The following CRIM1 variants were observed in gnomAD, a reference collection of about 807,000 sequenced individuals.
CRIM1 encodes the protein cysteine-rich motor neuron 1 protein.
Under a neutral mutation model 116.4 loss-of-function variants are expected in CRIM1, and 32 were observed. That is an observed-to-expected ratio of 0.27 (90% confidence interval 0.21 to 0.37). CRIM1 has a LOEUF of 0.37. Ranked by LOEUF, CRIM1 falls within the 10% of genes least tolerant of loss-of-function variation. CRIM1 has a pLI of 1.00. For missense variants in CRIM1, 1,331 were observed against 1,354.8 expected (o/e 0.98, Z 0.28); for synonymous variants, 590 against 509.2 (o/e 1.16, Z -2.13).
chr2:36,456,729 G>T (rs555425788), intron 4 of CRIM1, among the ~76,000 whole-genome samples: 9 of 152,236 alleles, frequency 5.9e-5, no homozygotes, highest in African/African-American at 2.2e-4. Flanking sequence ...TTCAACAGGG[G>T]CACGGGCCCT....
intron 2 of CRIM1, among the ~76,000 whole-genome samples, chr2:36,413,333 C>T (rs979205795): frequency 2.0e-5 from 3 of 152,166 alleles, no homozygotes; most frequent in Admixed American, 1.3e-4. Flanking sequence ...GACATAGTCT[C>T]ATAGCAGAGG....
At chr2:36,384,261 G>A (rs1486448692) in intron 1 of CRIM1, among the ~76,000 whole-genome samples, 3 of 152,212 alleles carry the variant, frequency 2.0e-5, no homozygotes, top group African/African-American at 7.2e-5. Context: ...GCAGTAGCCG[G>A]GGAAGGGAAG....
At chr2:36,502,142 T>G (rs1398700442) in intron 8 of CRIM1, among the ~76,000 whole-genome samples, 2 of 152,240 alleles carry the variant, frequency 1.3e-5, no homozygotes, top group Non-Finnish European at 2.9e-5. Flanking sequence ...TGGGTTTTGC[T>G]ATTGTGAAAT....
chr2:36,457,614 A>G (rs1172061472), intron 4 of CRIM1, among the ~76,000 whole-genome samples: 1 of 152,174 alleles, frequency 6.6e-6, no homozygotes, highest in Non-Finnish European at 1.5e-5. Context: ...ATACACAGAT[A>G]GTAGTAAATC....
chr2:36,469,760 C>G (rs1213272851), intron 5 of CRIM1, among the ~76,000 whole-genome samples: 2 of 152,158 alleles, frequency 1.3e-5, no homozygotes, highest in Non-Finnish European at 2.9e-5. Context: ...TGGAGATATT[C>G]TGGCACTTTG....
intron 13 of CRIM1, among the ~76,000 whole-genome samples, chr2:36,527,658 A>T (rs1464479611): frequency 6.6e-6 from 1 of 152,210 alleles, no homozygotes; most frequent in Admixed American, 6.5e-5. Context: ...CTAAACTGGT[A>T]TCTTAGAGAT....
intron 10 of CRIM1, 72 bp downstream of exon 10, chr2:36,512,466 C>A: frequency 6.6e-7 from 1 of 1,508,850 alleles, no homozygotes; most frequent in South Asian, 1.2e-5. Flanking sequence ...TAAGGACACC[C>A]TGTAATGAAA....
intron 6 of CRIM1, among the ~76,000 whole-genome samples, chr2:36,479,054 G>A (rs552241226): frequency 6.6e-6 from 1 of 152,310 alleles, no homozygotes; most frequent in African/African-American, 2.4e-5. Context: ...TAGAGTTTTA[G>A]AAGTAACAAT....
chr2:36,507,634 C>T (rs1003715341), intron 8 of CRIM1, among the ~76,000 whole-genome samples: 1 of 152,228 alleles, frequency 6.6e-6, no homozygotes, highest in Non-Finnish European at 1.5e-5. Context: ...GGAGGCATAG[C>T]CAGTCTCCTT....
At chr2:36,460,295 A>G (rs1028753297) in intron 4 of CRIM1, among the ~76,000 whole-genome samples, 1 of 152,204 alleles carries the variant, frequency 6.6e-6, no homozygotes, top group African/African-American at 2.4e-5. Context: ...TAGCCCACAT[A>G]TTGTATGATT....
intron 7 of CRIM1, among the ~76,000 whole-genome samples, chr2:36,491,908 G>A (rs1457512793): frequency 6.6e-6 from 1 of 152,102 alleles, no homozygotes; most frequent in Admixed American, 6.6e-5. Flanking sequence ...AGAATAAAAT[G>A]TAAGACAAGT....
intron 1 of CRIM1, among the ~76,000 whole-genome samples, chr2:36,386,284 A>G (rs1671162192): frequency 6.6e-6 from 1 of 152,334 alleles, no homozygotes; most frequent in African/African-American, 2.4e-5. Context: ...AGGGAGATTA[A>G]AAGTTTATTA....
At chr2:36,439,608 G>A (rs543071634) in intron 2 of CRIM1, among the ~76,000 whole-genome samples, 1 of 152,212 alleles carries the variant, frequency 6.6e-6, no homozygotes, top group East Asian at 1.9e-4. Flanking sequence ...TGCGTCAGCA[G>A]TTCCTTCTGC....
intron 4 of CRIM1, among the ~76,000 whole-genome samples, chr2:36,452,001 A>G (rs1676769400): frequency 6.6e-6 from 1 of 152,166 alleles, no homozygotes; most frequent in Non-Finnish European, 1.5e-5. Flanking sequence ...AGTTTTAACT[A>G]TCCCTGCATA....
intron 15 of CRIM1, among the ~76,000 whole-genome samples, chr2:36,545,490 G>A (rs1415365709): frequency 6.6e-6 from 1 of 152,100 alleles, no homozygotes; most frequent in Non-Finnish European, 1.5e-5. Context: ...TAGTATCTAT[G>A]TTATAAAGCC....
chr2:36,499,863 C>G (rs1252380487), intron 8 of CRIM1, among the ~76,000 whole-genome samples: 2 of 152,126 alleles, frequency 1.3e-5, no homozygotes. Flanking sequence ...CACCCCACCC[C>G]CATATATGTT....
At chr2:36,439,158 G>A (rs1216789621) in intron 2 of CRIM1, among the ~76,000 whole-genome samples, 2 of 152,186 alleles carry the variant, frequency 1.3e-5, no homozygotes, top group Admixed American at 6.5e-5. Flanking sequence ...AAAATTAAGT[G>A]TAGTCATAAG....
intron 1 of CRIM1, among the ~76,000 whole-genome samples, chr2:36,388,737 C>T (rs578226918): frequency 2.0e-5 from 3 of 149,740 alleles, no homozygotes; most frequent in Non-Finnish European, 4.4e-5. Flanking sequence ...GTCCCGTAGC[C>T]CCAATTTCTC....
At chr2:36,389,659 G>T (rs1431459497) in intron 1 of CRIM1, among the ~76,000 whole-genome samples, 1 of 152,164 alleles carries the variant, frequency 6.6e-6, no homozygotes, top group African/African-American at 2.4e-5. Flanking sequence ...CAGATACAAG[G>T]TGGAAAAGGT....
Sources: gnomAD v4.1 joint callset for allele counts (sites outside exome capture counted in the v4.1 genomes callset) on GRCh38, gnomAD v4.1.1 for gene constraint, MANE v1.5 for transcripts, NCBI Gene and HGNC (gene_info 2026-07-23, HGNC 2026-07-21) for gene names.